DPP10: variants seen among roughly 807,000 people sequenced by gnomAD.
DPP10 encodes dipeptidyl peptidase like 10, also known as inactive dipeptidyl peptidase 10.
A neutral mutation model predicts 120.9 loss-of-function variants in DPP10; 33 were observed. That is an observed-to-expected ratio of 0.27 (90% CI 0.21 to 0.37). The LOEUF (loss-of-function observed/expected upper bound fraction) is 0.37. Ranked by LOEUF, DPP10 falls within the 10% of genes least tolerant of loss-of-function variation. The probability of loss-of-function intolerance (pLI) is 1.00; values close to 1 mark genes in which losing one functional copy is unlikely to be tolerated. For missense variants in DPP10, 816 were observed against 942.8 expected, an observed-to-expected ratio of 0.87 and a Z score of 1.76; for synonymous variants, 337 against 326.1, an observed-to-expected ratio of 1.03 and a Z score of -0.36.
At chr2:115,370,845 GT>G (rs140936460) in intron 3 of DPP10, among the ~76,000 whole-genome samples, 4,960 of 152,090 alleles carry the variant, frequency 0.033, 91 homozygotes, top group South Asian at 0.061. Flanking sequence ...GGCATCTCTC[GT>G]TAAGCGCCAG....
intron 4 of DPP10, among the ~76,000 whole-genome samples, chr2:115,524,588 C>T (rs2148892469): frequency 1.3e-5 from 2 of 152,166 alleles, no homozygotes; most frequent in Middle Eastern, 6.8e-3. Context: ...AATCACTGGC[C>T]AGTTGCTGAA....
intron 3 of DPP10, among the ~76,000 whole-genome samples, chr2:115,416,938 G>A (rs1274830219): frequency 6.6e-6 from 1 of 152,128 alleles, no homozygotes; most frequent in African/African-American, 2.4e-5. Context: ...CCAGAAGCGA[G>A]CATACCCCTA....
intron 5 of DPP10, among the ~76,000 whole-genome samples, chr2:115,589,169 C>A (rs1226343610): frequency 1.3e-5 from 2 of 152,102 alleles, no homozygotes; most frequent in African/African-American, 4.8e-5. Flanking sequence ...CATTTAGTAA[C>A]CACGAAACTC....
intron 1 of DPP10, among the ~76,000 whole-genome samples, chr2:114,942,107 A>G (rs929246048): frequency 6.6e-6 from 1 of 151,068 alleles, no homozygotes; most frequent in Non-Finnish European, 1.5e-5. Flanking sequence ...CCCCATCTCT[A>G]CTAAAAATAC....
chr2:114,799,445 AACAG>A (rs1470393327), intron 1 of DPP10, among the ~76,000 whole-genome samples: 1 of 152,226 alleles, frequency 6.6e-6, no homozygotes. Context: ...ATTTAGACTA[AACAG>A]ACAGTAAAGA....
Position 115,689,736 on chromosome 2 carries a change from C to A in DPP10, c.491C>A (p.Thr164Asn). The stretch of plus-strand genomic sequence containing the variant: ...TCATATGTGATTTACAACATACACA[C>A]TAGGTAAGTTCTTTGATTTTCTAGT... ...TASYVIYNIHTREVWELNPPE... is the reference protein window; with the variant it reads ...TASYVIYNIHNREVWELNPPE... Residue 164 changes from threonine to asparagine, a missense_variant, in exon 6 of 26, where the codon ACT becomes AAT. Coordinates refer to ENST00000410059, the MANE Select transcript of DPP10 (RefSeq NM_020868.6). 2 of 1,599,886 alleles carry A rather than the reference C, an allele frequency of 1.3e-6. No individual in the cohort carries two copies. Among genetic ancestry groups the A allele is most frequent in the South Asian group, 1.1e-5 (1 of 90,244 alleles).
intron 7 of DPP10, among the ~76,000 whole-genome samples, chr2:115,722,962 G>A (rs191088664): frequency 6.6e-6 from 1 of 152,242 alleles, no homozygotes; most frequent in African/African-American, 2.4e-5. Flanking sequence ...AGGACCCCGG[G>A]CTTACACTCC....
intron 5 of DPP10, among the ~76,000 whole-genome samples, chr2:115,670,000 C>T (rs1199774414): frequency 6.6e-6 from 1 of 152,100 alleles, no homozygotes. Context: ...ACATTTATTT[C>T]TCATAGTTCT....
At chr2:114,583,770 G>A (rs1393857534) in intron 1 of DPP10, among the ~76,000 whole-genome samples, 2 of 152,162 alleles carry the variant, frequency 1.3e-5, no homozygotes, top group Non-Finnish European at 2.9e-5. Flanking sequence ...CTGCAAAGCT[G>A]AATAAAGTCT....
At chr2:115,020,818 TTC>T (rs1250706725) in intron 1 of DPP10, among the ~76,000 whole-genome samples, 1 of 152,070 alleles carries the variant, frequency 6.6e-6, no homozygotes, top group Non-Finnish European at 1.5e-5. Flanking sequence ...ATATTAAGTA[TTC>T]TCTGAGACCA....
chr2:115,540,393 A>T (rs923615286), intron 5 of DPP10, among the ~76,000 whole-genome samples: 3 of 151,882 alleles, frequency 2.0e-5, no homozygotes, highest in Non-Finnish European at 4.4e-5. Context: ...AGTACAGTGT[A>T]TGTGCACATT....
chr2:115,422,336 C>T (rs1424588205), intron 3 of DPP10, among the ~76,000 whole-genome samples: 1 of 152,172 alleles, frequency 6.6e-6, no homozygotes, highest in Non-Finnish European at 1.5e-5. Flanking sequence ...CTGTTTGTTT[C>T]AACCTGGGAA....
At chr2:115,727,679 A>G in intron 7 of DPP10, 137 bp from the exon 8 acceptor site, 1 of 901,068 alleles carries the variant, frequency 1.1e-6, no homozygotes, top group Non-Finnish European at 1.5e-6. Context: ...CAATAAAAAC[A>G]TATGCCTTGA....
intron 3 of DPP10, among the ~76,000 whole-genome samples, chr2:115,496,834 C>T (rs886633715): frequency 6.6e-6 from 1 of 152,044 alleles, no homozygotes; most frequent in Non-Finnish European, 1.5e-5. Flanking sequence ...GGAGTTATTA[C>T]TCAATGAGTT....
chr2:114,989,013 A>G (rs1169149264), intron 1 of DPP10, among the ~76,000 whole-genome samples: 1 of 152,226 alleles, frequency 6.6e-6, no homozygotes, highest in Non-Finnish European at 1.5e-5. Flanking sequence ...AAATTACTAT[A>G]GAGTGGTACA....
chr2:115,486,235 AGG>A (rs1491413113), intron 3 of DPP10, among the ~76,000 whole-genome samples: 40,878 of 151,914 alleles, frequency 0.27, 6,381 homozygotes, highest in East Asian at 0.41. Flanking sequence ...TATTTTCATA[AGG>A]GTGAGAAAAC....
intron 1 of DPP10, among the ~76,000 whole-genome samples, chr2:115,286,465 G>T (rs1256754030): frequency 8.5e-6 from 1 of 117,384 alleles, no homozygotes; most frequent in Non-Finnish European, 1.7e-5. Flanking sequence ...AGTTTAAAGT[G>T]AAATATATAT....
chr2:114,655,163 T>G (rs1696881567), intron 1 of DPP10, among the ~76,000 whole-genome samples: 1 of 152,156 alleles, frequency 6.6e-6, no homozygotes, highest in Admixed American at 6.5e-5. Flanking sequence ...TCATAAGCAC[T>G]TAAATGTTGG....
Position 114,442,846 on chromosome 2 carries a change from C to T in DPP10, c.60+8C>T, listed in dbSNP as rs7560788. The T allele has an allele frequency of 5.1e-3, 8,265 of 1,613,158 alleles. 339 individuals are homozygous for T. In the African/African-American group the frequency reaches 0.094, roughly 18 times the overall value. On this transcript the variant is annotated splice_region_variant and intron_variant, in intron 1 of 25. Transcript: ENST00000410059. Reference sequence around the variant, plus strand: ...CCCTCAAAAACAATCAAGGTAGGATCTGGTTTTTCCCTCTGCTTCTGCACA... The same window carrying T: ...CCCTCAAAAACAATCAAGGTAGGATTTGGTTTTTCCCTCTGCTTCTGCACA...
Sources: gnomAD v4.1 joint callset for allele counts (sites outside exome capture counted in the v4.1 genomes callset) on GRCh38, gnomAD v4.1.1 for gene constraint, MANE v1.5 for transcripts, NCBI Gene and HGNC (gene_info 2026-07-23, HGNC 2026-07-21) for gene names.